Variants in NBAS observed in about 807,000 individuals in gnomAD.
NBAS encodes NBAS subunit of NRZ tethering complex.
NBAS carries 219 observed loss-of-function variants against 302.5 expected under a neutral mutation model. That is an observed-to-expected ratio of 0.72 (90% CI 0.65 to 0.81). The LOEUF (loss-of-function observed/expected upper bound fraction) is 0.81. NBAS is among the 30% of genes least tolerant of loss of function. The probability of loss-of-function intolerance (pLI) is 0.00; values close to 1 mark genes in which losing one functional copy is unlikely to be tolerated. For missense variants in NBAS, 2,932 were observed against 2,841.6 expected (o/e 1.03, Z -0.72); for synonymous variants, 1,118 against 1,021.6 (o/e 1.09, Z -1.80).
intron 35 of NBAS, among the ~76,000 whole-genome samples, chr2:15,341,768 T>C (rs1396451864): frequency 2.6e-5 from 4 of 152,166 alleles, no homozygotes; most frequent in Admixed American, 2.6e-4. Context: ...ATATCATGAT[T>C]CACACTCCTG....
At chr2:15,018,639 C>A in the NBAS span, among the ~76,000 whole-genome samples, 1 of 151,854 alleles carries the variant, frequency 6.6e-6, no homozygotes, top group Non-Finnish European at 1.5e-5. Flanking sequence ...TATTTTTCCT[C>A]TTTATTCAAA....
At chr2:15,337,792 T>C (rs1260814218) in intron 35 of NBAS, among the ~76,000 whole-genome samples, 2 of 152,174 alleles carry the variant, frequency 1.3e-5, no homozygotes, top group African/African-American at 4.8e-5. Flanking sequence ...ACCAGAAACA[T>C]TAATGAAGAA....
chr2:15,218,767 C>T lies in NBAS; in HGVS notation c.6432+6G>A. The T allele has an allele frequency of 2.5e-6, 4 of 1,614,204 alleles. No individual in the cohort carries two copies. The highest frequency in any genetic ancestry group is 3.4e-6 in the Non-Finnish European group (4 of 1,180,008). ...AAGAAAAATAATCATTCAGACACTC[C>T]CTTACCTGTCTCTGGGGCCAGGAGG... On this transcript the variant is annotated splice_donor_region_variant and intron_variant, in intron 48 of 51. Transcript: ENST00000281513.
At chr2:15,159,942 T>C in the NBAS span, among the ~76,000 whole-genome samples, 10 of 152,104 alleles carry the variant, frequency 6.6e-5, no homozygotes, top group Non-Finnish European at 5.9e-5. Context: ...TTCATCTCTG[T>C]GAGCCTCACA....
chr2:14,964,823 G>C, the NBAS span, among the ~76,000 whole-genome samples: 1 of 152,090 alleles, frequency 6.6e-6, no homozygotes, highest in Non-Finnish European at 1.5e-5. Context: ...AAGGATTTAA[G>C]TCACACAAAG....
At chr2:15,462,422 T>C (rs1235621681) in intron 19 of NBAS, among the ~76,000 whole-genome samples, 1 of 152,154 alleles carries the variant, frequency 6.6e-6, no homozygotes, top group African/African-American at 2.4e-5. Context: ...AAGTTAGCCA[T>C]GGAATCGCAA....
intron 11 of NBAS, among the ~76,000 whole-genome samples, chr2:15,495,838 G>A (rs1178578196): frequency 1.3e-5 from 2 of 152,116 alleles, no homozygotes. Context: ...CTGACATTAG[G>A]AACAGAAAAT....
the NBAS span, among the ~76,000 whole-genome samples, chr2:15,157,743 G>A: frequency 3.3e-5 from 5 of 152,302 alleles, no homozygotes; most frequent in South Asian, 6.2e-4. Flanking sequence ...AGGGAGAACT[G>A]AGGAACATCA....
chr2:14,799,140 A>G, the NBAS span, among the ~76,000 whole-genome samples: 1 of 152,002 alleles, frequency 6.6e-6, no homozygotes, highest in African/African-American at 2.4e-5. Context: ...GGTAGAAACT[A>G]AGTTCATTTA....
the NBAS span, among the ~76,000 whole-genome samples, chr2:15,089,742 CTTTT>C: frequency 2.3e-3 from 182 of 78,830 alleles, 2 homozygotes; most frequent in African/African-American, 7.5e-3. Flanking sequence ...TGGGTCAGGA[CTTTT>C]TTTTTTTTTT....
chr2:14,842,861 A>AAAAAAAAAAAAC, the NBAS span, among the ~76,000 whole-genome samples: 1 of 145,950 alleles, frequency 6.9e-6, no homozygotes. Context: ...AAAAAAAAAA[A>AAAAAAAAAAAAC]AAACATATAC....
At chr2:15,449,639 A>G (rs1016390537) in intron 21 of NBAS, among the ~76,000 whole-genome samples, 1 of 152,090 alleles carries the variant, frequency 6.6e-6, no homozygotes, top group Admixed American at 6.6e-5. Context: ...ATCAAGATCT[A>G]AAGTGCCCAC....
the NBAS span, among the ~76,000 whole-genome samples, chr2:14,816,094 T>G: frequency 6.6e-6 from 1 of 152,330 alleles, no homozygotes; most frequent in East Asian, 1.9e-4. Context: ...TCTATTCTGA[T>G]CACTCTTTGC....
At chr2:15,209,103 T>C (rs1185006298) in intron 48 of NBAS, among the ~76,000 whole-genome samples, 1 of 151,442 alleles carries the variant, frequency 6.6e-6, no homozygotes, top group Non-Finnish European at 1.5e-5. Context: ...AAACCAAAGA[T>C]GAAAAAGGAG....
intron 6 of NBAS, among the ~76,000 whole-genome samples, chr2:15,542,695 A>C (rs1663909135): frequency 6.6e-6 from 1 of 152,202 alleles, no homozygotes; most frequent in Non-Finnish European, 1.5e-5. Context: ...GCACAGGTGC[A>C]AAATAACAAA....
the NBAS span, among the ~76,000 whole-genome samples, chr2:15,078,940 G>A: frequency 6.6e-6 from 1 of 152,046 alleles, no homozygotes; most frequent in Non-Finnish European, 1.5e-5. Flanking sequence ...TGTGCATCAC[G>A]TAAGGGGTAA....
intron 21 of NBAS, among the ~76,000 whole-genome samples, chr2:15,448,270 T>C (rs928576475): frequency 2.0e-5 from 3 of 152,154 alleles, no homozygotes; most frequent in African/African-American, 4.8e-5. Flanking sequence ...TATATTCCTA[T>C]CAAAATCTAC....
chr2:15,394,434 T>C (rs1373167701), intron 27 of NBAS, 85 bp from the exon 28 acceptor site: 8 of 1,440,168 alleles, frequency 5.6e-6, no homozygotes, highest in African/African-American at 1.4e-5. Flanking sequence ...AGCCCTTCAG[T>C]GTTTAGTATT....
At chr2:15,068,216 C>G in the NBAS span, among the ~76,000 whole-genome samples, 1 of 152,188 alleles carries the variant, frequency 6.6e-6, no homozygotes, top group African/African-American at 2.4e-5. Context: ...TACATTTTCT[C>G]AAACTTGAAA....
Sources: allele counts gnomAD v4.1 joint callset (sites outside exome capture counted in the v4.1 genomes callset), GRCh38; gene constraint gnomAD v4.1.1; transcripts MANE v1.5; gene names NCBI Gene and HGNC (gene_info 2026-07-23, HGNC 2026-07-21).